Variants in MYO9A observed in about 807,000 individuals in gnomAD.
The protein encoded by MYO9A is unconventional myosin-IXa.
A neutral mutation model predicts 293.3 loss-of-function variants in MYO9A; 103 were observed. That is an observed-to-expected ratio of 0.35 (90% confidence interval 0.30 to 0.41). The LOEUF (loss-of-function observed/expected upper bound fraction) is 0.41. MYO9A is among the 10% of genes least tolerant of loss of function. The pLI, the probability that MYO9A is intolerant of heterozygous loss-of-function variation, is 1.00. For synonymous variants in MYO9A, 1,001 were observed against 1,035.7 expected (o/e 0.97, Z 0.64); for missense variants, 2,685 against 3,033.0 (o/e 0.89, Z 2.69).
At chr15:72,061,491 T>C (rs2078877223) in intron 1 of MYO9A, among the ~76,000 whole-genome samples, 1 of 142,856 alleles carries the variant, frequency 7.0e-6, no homozygotes, top group African/African-American at 2.7e-5. Flanking sequence ...CTGGCAGGAT[T>C]CACCACAAGC....
chr15:71,899,119 C>A (rs2057412784), intron 24 of MYO9A, 87 bp from the exon 25 acceptor site: 6 of 1,253,738 alleles, frequency 4.8e-6, no homozygotes, highest in Non-Finnish European at 6.6e-6. Flanking sequence ...AGAAAAAATG[C>A]AGAGTTGTAA....
At chr15:72,012,141 T>C (rs1434888378) in intron 6 of MYO9A, among the ~76,000 whole-genome samples, 1 of 152,178 alleles carries the variant, frequency 6.6e-6, no homozygotes, top group Non-Finnish European at 1.5e-5. Context: ...ATTTTTATTC[T>C]CTACATGGAA....
intron 15 of MYO9A, 98 bp from the exon 16 acceptor site, chr15:71,939,025 T>G: frequency 1.2e-6 from 1 of 834,328 alleles, no homozygotes; most frequent in Non-Finnish European, 1.9e-6. Context: ...TAATCACGAG[T>G]ATTTGCTAAA....
In MYO9A at chr15:71,948,532, TTATG is replaced by T. The variant is rs577375541; in HGVS notation, c.2302+3241_2302+3244del. 4.6e-5 allele frequency among the ~76,000 whole-genome samples: 7 copies of T among 152,260 alleles called. No individual in the cohort carries two copies. The East Asian group carries it at 1.4e-3, about 29-fold the overall frequency. ...TTGGAACACAGCTAAACTCATTTATTTATGTATTGTCTATGGCTCCCTTCACAGA... is the reference window on the plus strand; with the variant it reads ...TTGGAACACAGCTAAACTCATTTATTTATTGTCTATGGCTCCCTTCACAGA... On this transcript the variant is annotated intron_variant, in intron 15 of 41. Transcript: ENST00000356056.
chr15:71,887,687 G>C (rs2057061267), intron 27 of MYO9A, among the ~76,000 whole-genome samples: 1 of 152,116 alleles, frequency 6.6e-6, no homozygotes, highest in Admixed American at 6.6e-5. Flanking sequence ...CCTTTCCTCT[G>C]CATGATGTGC....
chr15:71,861,482 TA>T (rs1411957224), intron 33 of MYO9A, among the ~76,000 whole-genome samples: 1 of 147,668 alleles, frequency 6.8e-6, no homozygotes, highest in Non-Finnish European at 1.5e-5. Flanking sequence ...ATATTATATT[TA>T]TATATATTTT....
At chr15:72,004,944 A>G (rs1329221453) in intron 8 of MYO9A, among the ~76,000 whole-genome samples, 1 of 152,200 alleles carries the variant, frequency 6.6e-6, no homozygotes, top group Non-Finnish European at 1.5e-5. Context: ...TTAAATCACA[A>G]CTAAAGAGTC....
chr15:71,940,425 G>A (rs944532437), intron 15 of MYO9A, among the ~76,000 whole-genome samples: 4 of 152,248 alleles, frequency 2.6e-5, no homozygotes, highest in East Asian at 1.9e-4. Context: ...CCCAGAGGTC[G>A]AGGCTGCAGT....
rs145870914 is a variant in MYO9A, at chr15:71,926,019, C to CT, written c.2562+7650dup. 4.2e-3 allele frequency among the ~76,000 whole-genome samples: 636 copies of CT among 152,266 alleles called. 6 individuals carry two copies. The highest frequency in any genetic ancestry group is 0.015 in the African/African-American group (609 of 41,556). On this transcript the variant is annotated intron_variant, in intron 18 of 41. Transcript: ENST00000356056. Reference sequence around the variant, plus strand: ...TGCCTCTTCCAATTTTATGGGGTAACTTTCTTAAGAAGACATTTTCTGTAG... The same window carrying CT: ...TGCCTCTTCCAATTTTATGGGGTAACTTTTCTTAAGAAGACATTTTCTGTAG...
intron 14 of MYO9A, chr15:71,953,661 T>C (rs569521239): frequency 6.6e-6 from 1 of 152,292 alleles, no homozygotes; most frequent in African/African-American, 2.4e-5. Flanking sequence ...CCTAGATTAG[T>C]TTCTTTAACC....
chr15:72,114,815 C>A (rs1262623690), intron 1 of MYO9A, among the ~76,000 whole-genome samples: 1 of 152,138 alleles, frequency 6.6e-6, no homozygotes, highest in Non-Finnish European at 1.5e-5. Flanking sequence ...TCTGAAAAGT[C>A]TTTGACTAAT....
At chr15:72,065,472 G>A (rs1204241586) in intron 1 of MYO9A, among the ~76,000 whole-genome samples, 5 of 144,534 alleles carry the variant, frequency 3.5e-5, no homozygotes, top group South Asian at 2.2e-4. Flanking sequence ...CTGAGATCAC[G>A]CCACTGCACT....
intron 14 of MYO9A, among the ~76,000 whole-genome samples, chr15:71,956,336 T>TATATATATATATATATAAAA (rs2059190130): frequency 8.9e-6 from 1 of 112,278 alleles, no homozygotes; most frequent in African/African-American, 3.8e-5. Flanking sequence ...AAAAAATATA[T>TATATATATATATATATAAAA]ATATATATAT....
chr15:71,900,351 G>T (rs1456084406), intron 23 of MYO9A, among the ~76,000 whole-genome samples: 1 of 148,706 alleles, frequency 6.7e-6, no homozygotes, highest in African/African-American at 2.5e-5. Context: ...CAGGAGAATG[G>T]CGTGAACCTG....
At chr15:72,102,740 A>G (rs1419409803) in intron 1 of MYO9A, among the ~76,000 whole-genome samples, 1 of 152,134 alleles carries the variant, frequency 6.6e-6, no homozygotes, top group African/African-American at 2.4e-5. Flanking sequence ...CACCATGCTT[A>G]ATGAGGAAAG....
chr15:71,958,397 A>C (rs1025116058), intron 14 of MYO9A: 10 of 152,204 alleles, frequency 6.6e-5, no homozygotes, highest in African/African-American at 2.4e-4. Flanking sequence ...GGAGAAAATA[A>C]AACGTTAGGG....
At chr15:71,951,693 A>G (rs1253145276) in intron 15 of MYO9A, 84 bp downstream of exon 15, 1 of 1,544,246 alleles carries the variant, frequency 6.5e-7, no homozygotes, top group African/African-American at 1.4e-5. Flanking sequence ...CATACAATCT[A>G]TATCCCACCC....
intron 14 of MYO9A, chr15:71,959,362 C>T (rs1300659526): frequency 6.6e-6 from 1 of 152,480 alleles, no homozygotes; most frequent in Non-Finnish European, 1.5e-5. Flanking sequence ...GTCCTGAAAG[C>T]ACAGGTGAGC....
At chr15:71,915,226 G>T (rs879400205) in intron 19 of MYO9A, among the ~76,000 whole-genome samples, 53 of 151,878 alleles carry the variant, frequency 3.5e-4, no homozygotes, top group Non-Finnish European at 4.6e-4. Flanking sequence ...ACTCTGGATT[G>T]TGAGGACAGA....
Sources: allele counts gnomAD v4.1 joint callset (sites outside exome capture counted in the v4.1 genomes callset), GRCh38; gene constraint gnomAD v4.1.1; transcripts MANE v1.5; gene names NCBI Gene and HGNC (gene_info 2026-07-23, HGNC 2026-07-21).